The following ACACB variants were observed in gnomAD, a reference collection of about 807,000 sequenced individuals.
The protein encoded by ACACB is acetyl-CoA carboxylase 2.
A neutral mutation model predicts 278.8 loss-of-function variants in ACACB; 209 were observed. The ratio of observed to expected loss-of-function variants is 0.75; its 90% CI spans 0.67 to 0.84. ACACB has a LOEUF of 0.84. Ranked by LOEUF, ACACB falls within the 40% of genes least tolerant of loss-of-function variation. The probability of loss-of-function intolerance (pLI) is 0.00; values close to 1 mark genes in which losing one functional copy is unlikely to be tolerated. For missense variants in ACACB, 2,850 were observed against 3,269.0 expected, an observed-to-expected ratio of 0.87 and a Z score of 3.13; for synonymous variants, 1,174 against 1,285.6, an observed-to-expected ratio of 0.91 and a Z score of 1.86.
intron 50 of ACACB, among the ~76,000 whole-genome samples, chr12:109,264,794 C>T (rs940860620): frequency 1.3e-5 from 2 of 152,180 alleles, no homozygotes; most frequent in Non-Finnish European, 2.9e-5. Context: ...CATTGGTTCT[C>T]TTGCTGCATT....
intron 4 of ACACB, among the ~76,000 whole-genome samples, chr12:109,170,142 T>C (rs2044063705): frequency 6.6e-6 from 1 of 151,940 alleles, no homozygotes; most frequent in African/African-American, 2.4e-5. Flanking sequence ...TGAGATGGAG[T>C]CTTGCTCTAC....
Position 109,237,316 on chromosome 12 carries a change from T to C in ACACB, c.4598T>C (p.Val1533Ala). The C allele has an allele frequency of 2.5e-6, 4 of 1,614,152 alleles. No individual in the cohort carries two copies. The highest frequency in any genetic ancestry group is 3.4e-6 in the Non-Finnish European group (4 of 1,180,038). ...GGTGCTGCCAAGGTGAAGGAAGGTG[T>C]GGAAGTGACGGACCATAGGTTCTTC... The part of the protein sequence containing the change: ...YLGAAKVKEG[V>A]EVTDHRFFIR... The change falls in exon 34 of 53, where the codon GTG (valine) becomes GCG (alanine). Residue 1533 changes from valine to alanine, a missense_variant. Val to Ala is a moderately conservative substitution (Grantham distance 64). Transcript: ENST00000338432.
intron 1 of ACACB, among the ~76,000 whole-genome samples, chr12:109,137,434 C>T (rs903710667): frequency 3.3e-5 from 5 of 151,978 alleles, no homozygotes; most frequent in East Asian, 1.9e-4. Context: ...CAGAGGTGGG[C>T]GGATCACTTG....
chr12:109,238,238 G>A (rs2046688005), intron 34 of ACACB, among the ~76,000 whole-genome samples: 1 of 150,040 alleles, frequency 6.7e-6, no homozygotes, highest in East Asian at 1.9e-4. Flanking sequence ...CAGATCATTT[G>A]AATATATTAT....
intron 19 of ACACB, among the ~76,000 whole-genome samples, chr12:109,206,360 G>T (rs1255724814): frequency 6.7e-6 from 1 of 150,256 alleles, no homozygotes; most frequent in South Asian, 2.1e-4. Flanking sequence ...CTTGAACCCG[G>T]GAGGCAGAGG....
At chr12:109,243,896 T>TA (rs1491222504) in intron 37 of ACACB, among the ~76,000 whole-genome samples, 49 of 148,764 alleles carry the variant, frequency 3.3e-4, no homozygotes, top group African/African-American at 1.2e-3. Context: ...TATATATATA[T>TA]TTATTTATTT....
At chr12:109,235,521 C>A in intron 32 of ACACB, 85 bp from the exon 33 acceptor site, 1 of 1,439,422 alleles carries the variant, frequency 6.9e-7, no homozygotes, top group South Asian at 1.2e-5. Flanking sequence ...TGAATGTAAT[C>A]GTTTACAATC....
Position 109,234,041 on chromosome 12 carries a change from C to T in ACACB, c.4343C>T (p.Ser1448Phe), listed in dbSNP as rs2046558704. ...CCGATTTTACGGACATTCGTACAGT[C>T]CAAGGTACTCTGGGCGTGCCTCTGG... ...LVPILRTFVQ[S>F]KKNILVDYGL... Residue 1448 changes from serine to phenylalanine, a missense_variant, in exon 31 of 53, where the codon TCC becomes TTC. Around this residue, in one of 3 missense-constraint regions of ACACB, gnomAD observed 2,265 missense variants for 2,561.3 expected, o/e 0.88. Coordinates refer to ENST00000338432, the MANE Select transcript of ACACB (RefSeq NM_001093.4). 1 of 1,608,004 alleles carries T rather than the reference C, an allele frequency of 6.2e-7. No individual in the cohort carries two copies. Among genetic ancestry groups the T allele is most frequent in the African/African-American group, 1.3e-5 (1 of 74,974 alleles).
chr12:109,228,011 G>A (rs1365484825), intron 28 of ACACB, among the ~76,000 whole-genome samples: 2 of 149,672 alleles, frequency 1.3e-5, no homozygotes, highest in Non-Finnish European at 3.0e-5. Flanking sequence ...TCCAGCCTGG[G>A]CGAAGAAGCG....
chr12:109,117,366 A>G (rs2042430812), intron 1 of ACACB, among the ~76,000 whole-genome samples: 2 of 151,808 alleles, frequency 1.3e-5, no homozygotes, highest in African/African-American at 4.8e-5. Flanking sequence ...TCTCAAAAAA[A>G]AAAAAAAAGA....
chr12:109,265,026 G>C (rs1294743846), intron 50 of ACACB, 84 bp from the exon 51 acceptor site: 1 of 1,455,576 alleles, frequency 6.9e-7, no homozygotes, highest in Non-Finnish European at 9.3e-7. Context: ...CCAGCCCCGG[G>C]CAGCCACTGT....
intron 50 of ACACB, 24 bp from the exon 51 acceptor site, chr12:109,265,086 G>T (rs773337608): frequency 2.5e-6 from 4 of 1,587,910 alleles, no homozygotes; most frequent in Non-Finnish European, 3.4e-6. Context: ...CCTTTCCGGG[G>T]ATTCAAGCCT....
At chr12:109,259,214 T>A (rs1022183504) in intron 47 of ACACB, 106 bp downstream of exon 47, 1 of 1,367,866 alleles carries the variant, frequency 7.3e-7, no homozygotes, top group Admixed American at 2.2e-5. Context: ...CATCATCATC[T>A]TAGCTGTGTC....
At chr12:109,258,814 G>A (rs1417924513) in intron 46 of ACACB, among the ~76,000 whole-genome samples, 159 bp from the exon 47 acceptor site, 4 of 152,190 alleles carry the variant, frequency 2.6e-5, no homozygotes, top group South Asian at 2.1e-4. Flanking sequence ...GGTCCTGAGC[G>A]GAGGAGATGG....
At chr12:109,148,468 T>C (rs1172231255) in intron 2 of ACACB, among the ~76,000 whole-genome samples, 1 of 152,170 alleles carries the variant, frequency 6.6e-6, no homozygotes, top group Non-Finnish European at 1.5e-5. Flanking sequence ...ATTGCTGAGA[T>C]TGCAGCTGGA....
upstream of ACACB, among the ~76,000 whole-genome samples, chr12:109,112,112 A>C (rs1430655002): frequency 2.6e-5 from 4 of 150,946 alleles, no homozygotes; most frequent in Non-Finnish European, 4.4e-5. Context: ...AGTTTCCAGG[A>C]ATAATTCAAA....
chr12:109,174,001 C>G, intron 6 of ACACB, 131 bp from the exon 7 acceptor site: 1 of 659,442 alleles, frequency 1.5e-6, no homozygotes, highest in South Asian at 2.1e-5. Flanking sequence ...TCCTTGAGAG[C>G]TGGGACCAGA....
intron 1 of ACACB, among the ~76,000 whole-genome samples, chr12:109,138,865 C>CA (rs1270542158): frequency 1.3e-5 from 2 of 151,996 alleles, no homozygotes; most frequent in Non-Finnish European, 2.9e-5. Context: ...AACAAAAAAA[C>CA]AAAAAAACCC....
intron 12 of ACACB, 131 bp from the exon 13 acceptor site, chr12:109,187,868 C>A: frequency 1.1e-6 from 1 of 913,620 alleles, no homozygotes; most frequent in Non-Finnish European, 1.6e-6. Context: ...CAAGCGATAT[C>A]AGTGTTCTAT....
Sources: allele counts gnomAD v4.1 joint callset (sites outside exome capture counted in the v4.1 genomes callset), GRCh38; gene constraint gnomAD v4.1.1; regional missense constraint gnomAD v4.1.1; transcripts MANE v1.5; gene names NCBI Gene and HGNC (gene_info 2026-07-23, HGNC 2026-07-21).